The following PCDH15 variants were observed in gnomAD, a reference collection of about 807,000 sequenced individuals.
PCDH15 encodes protocadherin related 15.
PCDH15 carries 129 observed loss-of-function variants against 178.5 expected under a neutral mutation model. That is an observed-to-expected ratio of 0.72 (90% CI 0.63 to 0.84). PCDH15 has a LOEUF of 0.84. PCDH15 is among the 40% of genes least tolerant of loss of function. The probability of loss-of-function intolerance (pLI) is 0.00; values close to 1 mark genes in which losing one functional copy is unlikely to be tolerated. For missense variants in PCDH15, 2,230 were observed against 2,099.9 expected (o/e 1.06, Z -1.21); for synonymous variants, 800 against 732.0 (o/e 1.09, Z -1.50).
intron 7 of PCDH15, among the ~76,000 whole-genome samples, chr10:54,329,375 T>C (rs918106697): frequency 2.6e-5 from 4 of 151,912 alleles, no homozygotes; most frequent in East Asian, 3.9e-4. Flanking sequence ...TAATGGATAA[T>C]ACATATGAAT....
At chr10:55,250,955 A>G (rs925989851) in intron 1 of PCDH15, among the ~76,000 whole-genome samples, 1 of 152,100 alleles carries the variant, frequency 6.6e-6, no homozygotes, top group South Asian at 2.1e-4. Flanking sequence ...TATATTCCCT[A>G]TGTTTGAAAT....
At chr10:54,280,602 T>C (rs931212362) in intron 8 of PCDH15, among the ~76,000 whole-genome samples, 1 of 151,858 alleles carries the variant, frequency 6.6e-6, no homozygotes, top group African/African-American at 2.4e-5. Flanking sequence ...TCAGTGCCTA[T>C]ATATTACCTT....
chr10:55,364,315 T>C (rs1362250088), intron 2 of PCDH15, among the ~76,000 whole-genome samples: 1 of 152,194 alleles, frequency 6.6e-6, no homozygotes, highest in Non-Finnish European at 1.5e-5. Context: ...TAATACATTA[T>C]TCCTCATATC....
intron 2 of PCDH15, among the ~76,000 whole-genome samples, chr10:55,378,109 A>G (rs937389141): frequency 6.6e-6 from 1 of 152,134 alleles, no homozygotes; most frequent in Non-Finnish European, 1.5e-5. Flanking sequence ...TCTAATGTAG[A>G]TGACGGGTTG....
intron 1 of PCDH15, among the ~76,000 whole-genome samples, chr10:54,718,498 C>T (rs7097488): frequency 0.12 from 18,401 of 151,684 alleles, 1,215 homozygotes; most frequent in African/African-American, 0.17. Flanking sequence ...CACCCAGAAC[C>T]AAAGCCAGAA....
At chr10:55,543,526 C>T (rs1364956827) in intron 2 of PCDH15, among the ~76,000 whole-genome samples, 1 of 151,332 alleles carries the variant, frequency 6.6e-6, no homozygotes, top group Non-Finnish European at 1.5e-5. Context: ...ATTGCTAACC[C>T]TAGTCAGAAA....
At chr10:55,204,445 T>C (rs958528357) in intron 1 of PCDH15, among the ~76,000 whole-genome samples, 8 of 151,954 alleles carry the variant, frequency 5.3e-5, no homozygotes, top group African/African-American at 9.7e-5. Context: ...TATTGGTAGT[T>C]TGGAAGTGCT....
At chr10:54,262,790 T>G (rs900590175) in intron 8 of PCDH15, among the ~76,000 whole-genome samples, 1 of 152,180 alleles carries the variant, frequency 6.6e-6, no homozygotes, top group Non-Finnish European at 1.5e-5. Context: ...GGTCGTAGCT[T>G]TTTTTCCAGG....
At chr10:53,856,410 A>G (rs915041319) in intron 28 of PCDH15, among the ~76,000 whole-genome samples, 5 of 151,980 alleles carry the variant, frequency 3.3e-5, no homozygotes, top group Non-Finnish European at 5.9e-5. Flanking sequence ...GTGAGTCTAC[A>G]CTGTTAAGGA....
At chr10:55,524,781 G>A (rs1344154727) in intron 2 of PCDH15, among the ~76,000 whole-genome samples, 3 of 150,974 alleles carry the variant, frequency 2.0e-5, no homozygotes, top group African/African-American at 4.9e-5. Context: ...GCACACAGTG[G>A]ACATTCAATA....
intron 9 of PCDH15, among the ~76,000 whole-genome samples, chr10:54,234,101 T>A (rs1334671297): frequency 6.6e-6 from 1 of 151,382 alleles, no homozygotes; most frequent in Admixed American, 6.6e-5. Context: ...TTTGACAAAG[T>A]ACGTGAAGTC....
chr10:54,825,161 A>T (rs1428668866), intron 3 of PCDH15, among the ~76,000 whole-genome samples: 1 of 151,964 alleles, frequency 6.6e-6, no homozygotes, highest in Non-Finnish European at 1.5e-5. Context: ...GCTGAGAATG[A>T]TGGTTTCCAG....
At chr10:54,777,130 T>G (rs1949796270) in intron 1 of PCDH15, among the ~76,000 whole-genome samples, 1 of 152,188 alleles carries the variant, frequency 6.6e-6, no homozygotes, top group African/African-American at 2.4e-5. Flanking sequence ...GGAATATGGG[T>G]ATTTACGATG....
At position 54,752,494 on chromosome 10, in the gene PCDH15, AAAAACAAAAAAC is replaced by A. The variant is rs1566127563; in HGVS notation, c.-29+48419_-29+48430del. 5.6e-4 allele frequency among the ~76,000 whole-genome samples: 52 copies of A among 93,362 alleles called. 5 individuals are homozygous for A. The highest frequency in any genetic ancestry group is 5.6e-3 in the South Asian group (19 of 3,422). The allele number at this position is 93,362 out of a possible 152,430, so 61.2% of individuals were successfully genotyped here. A position where few individuals can be genotyped will look rare whatever the true frequency, so the allele number is the denominator to read the frequency against. On this transcript the variant is annotated intron_variant, in intron 1 of 37. Coordinates refer to ENST00000644397, the MANE Select transcript of PCDH15 (RefSeq NM_001384140.1). The stretch of plus-strand genomic sequence containing the variant: ...TCCGTCTCAAAAAAAAAAAAAAACA[AAAAACAAAAAAC>A]AAAAAACAAACAAACAAACAAACAA...
At chr10:54,083,685 C>G (rs547757334) in intron 16 of PCDH15, among the ~76,000 whole-genome samples, 17 of 152,240 alleles carry the variant, frequency 1.1e-4, no homozygotes, top group African/African-American at 3.8e-4. Context: ...AGTGATGAAG[C>G]TATTTTAGAA....
intron 2 of PCDH15, among the ~76,000 whole-genome samples, chr10:54,958,517 C>T (rs1031189979): frequency 6.6e-6 from 1 of 151,728 alleles, no homozygotes; most frequent in Non-Finnish European, 1.5e-5. Context: ...ATTAAAAGAG[C>T]ATTTTCAGTT....
At chr10:53,912,896 C>T (rs2083219506) in intron 25 of PCDH15, among the ~76,000 whole-genome samples, 1 of 152,118 alleles carries the variant, frequency 6.6e-6, no homozygotes, top group Non-Finnish European at 1.5e-5. Flanking sequence ...AATGCCATCC[C>T]CATCAATCGG....
chr10:54,027,249 C>T (rs1322950202), intron 18 of PCDH15, among the ~76,000 whole-genome samples: 1 of 148,762 alleles, frequency 6.7e-6, no homozygotes, highest in Non-Finnish European at 1.5e-5. Context: ...TGAAGGACCT[C>T]TTCAAGGAGA....
intron 10 of PCDH15, among the ~76,000 whole-genome samples, chr10:54,209,359 T>C (rs2134062140): frequency 6.6e-6 from 1 of 152,178 alleles, no homozygotes; most frequent in South Asian, 2.1e-4. Context: ...ACTGCTTGTG[T>C]AAGATCATGG....
Sources: gnomAD v4.1 joint callset for allele counts (sites outside exome capture counted in the v4.1 genomes callset) on GRCh38, gnomAD v4.1.1 for gene constraint, MANE v1.5 for transcripts, NCBI Gene and HGNC (gene_info 2026-07-23, HGNC 2026-07-21) for gene names.